GAREM1: variants seen among roughly 807,000 people sequenced by gnomAD.
GAREM1 encodes GRB2-associated and regulator of MAPK protein 1.
Under a neutral mutation model 71.3 loss-of-function variants are expected in GAREM1, and 26 were observed. The ratio of observed to expected loss-of-function variants is 0.36; its 90% CI spans 0.27 to 0.51. The LOEUF (loss-of-function observed/expected upper bound fraction) is 0.51, where lower values mean the gene tolerates loss of function less well. Among genes scored for constraint, GAREM1 ranks in the 20% least tolerant of loss-of-function variants. The pLI, the probability that GAREM1 is intolerant of heterozygous loss-of-function variation, is 0.95. For synonymous variants in GAREM1, 440 were observed against 433.2 expected, an observed-to-expected ratio of 1.02 and a Z score of -0.20; for missense variants, 1,026 against 1,103.1, an observed-to-expected ratio of 0.93 and a Z score of 0.99.
chr18:32,264,975 G>A lies in GAREM1; in HGVS notation c.*2896C>T, dbSNP rs2041353411. On this transcript the variant is annotated 3_prime_UTR_variant, in exon 6 of 6. Coordinates refer to ENST00000269209, the MANE Select transcript of GAREM1 (RefSeq NM_001242409.2). The stretch of plus-strand genomic sequence containing the variant: ...TGATAAGTCTTGACCTGGCTGGTTA[G>A]AAGGGTTCTGTGTGTGGATCTCTGG... 1.3e-5 allele frequency: 2 copies of A among 152,254 alleles called. No individual in the cohort carries two copies. Among genetic ancestry groups the A allele is most frequent in the Admixed American group, 6.5e-5 (1 of 15,284 alleles). The allele number at this position is 152,254 out of a possible 1,614,324, so 9.4% of individuals were successfully genotyped here.
At chr18:32,362,511 GTT>G (rs897000250) in intron 2 of GAREM1, among the ~76,000 whole-genome samples, 46 of 152,230 alleles carry the variant, frequency 3.0e-4, no homozygotes, top group African/African-American at 1.1e-3. Context: ...CTATATATCA[GTT>G]TTAAAGGCAA....
chr18:32,326,666 G>A (rs1413932423), intron 2 of GAREM1, among the ~76,000 whole-genome samples: 1 of 152,154 alleles, frequency 6.6e-6, no homozygotes, highest in African/African-American at 2.4e-5. Context: ...CCTCACAAGA[G>A]ACCGACACTG....
At chr18:32,277,032 G>C (rs1266129409) in intron 4 of GAREM1, among the ~76,000 whole-genome samples, 1 of 152,188 alleles carries the variant, frequency 6.6e-6, no homozygotes, top group Non-Finnish European at 1.5e-5. Context: ...AGTCAGGAAA[G>C]AGGCTGGAAG....
At chr18:32,388,413 G>A (rs1010264422) in intron 2 of GAREM1, among the ~76,000 whole-genome samples, 2 of 152,232 alleles carry the variant, frequency 1.3e-5, no homozygotes, top group Non-Finnish European at 2.9e-5. Context: ...TAATAGGGGA[G>A]TGGTGGGGGG....
chr18:32,409,086 C>T (rs2048392906), intron 1 of GAREM1, among the ~76,000 whole-genome samples: 1 of 152,140 alleles, frequency 6.6e-6, no homozygotes, highest in African/African-American at 2.4e-5. Flanking sequence ...CCCATCAGCT[C>T]TTTTGGCTCA....
At chr18:32,366,108 C>T (rs1280388879) in intron 2 of GAREM1, among the ~76,000 whole-genome samples, 1 of 152,084 alleles carries the variant, frequency 6.6e-6, no homozygotes, top group African/African-American at 2.4e-5. Context: ...CCTCTCCCTG[C>T]CTGCCACACT....
intron 2 of GAREM1, among the ~76,000 whole-genome samples, chr18:32,343,245 G>T (rs1045380016): frequency 6.7e-5 from 10 of 149,130 alleles, no homozygotes; most frequent in African/African-American, 2.5e-4. Context: ...AGCGGGTGGA[G>T]AAAAAGCACC....
At chr18:32,371,905 A>T (rs1217216212) in intron 2 of GAREM1, among the ~76,000 whole-genome samples, 1 of 152,212 alleles carries the variant, frequency 6.6e-6, no homozygotes, top group East Asian at 1.9e-4. Flanking sequence ...TATAGAAAGC[A>T]GGATGCATTG....
At chr18:32,457,205 GGGAGAGA>G (rs1278984878) in intron 1 of GAREM1, among the ~76,000 whole-genome samples, 2 of 114,000 alleles carry the variant, frequency 1.8e-5, no homozygotes, top group African/African-American at 7.3e-5. Flanking sequence ...TGTGTAGGGG[GGGAGAGA>G]GAGAGAGAGA....
intron 2 of GAREM1, among the ~76,000 whole-genome samples, chr18:32,349,310 A>G (rs1457004335): frequency 6.6e-6 from 1 of 152,206 alleles, no homozygotes; most frequent in African/African-American, 2.4e-5. Flanking sequence ...AGGTATACAC[A>G]AAGTTCAACT....
chr18:32,331,408 A>G (rs1487470488), intron 2 of GAREM1, among the ~76,000 whole-genome samples: 1 of 152,226 alleles, frequency 6.6e-6, no homozygotes, highest in East Asian at 1.9e-4. Context: ...TGTATATTAA[A>G]CTGTTAAATG....
chr18:32,435,801 G>A (rs1351876050), intron 1 of GAREM1, among the ~76,000 whole-genome samples: 3 of 152,208 alleles, frequency 2.0e-5, no homozygotes, highest in African/African-American at 7.2e-5. Flanking sequence ...AGGCAGGTGA[G>A]AAGTATTCGT....
intron 3 of GAREM1, among the ~76,000 whole-genome samples, chr18:32,298,329 CTCTT>C: frequency 6.6e-6 from 1 of 152,244 alleles, no homozygotes; most frequent in South Asian, 2.1e-4. Context: ...TAAATAAATG[CTCTT>C]TCTTTAGCAG....
At chr18:32,463,325 G>A (rs1330661953) in intron 1 of GAREM1, among the ~76,000 whole-genome samples, 1 of 148,934 alleles carries the variant, frequency 6.7e-6, no homozygotes, top group Non-Finnish European at 1.5e-5. Flanking sequence ...CTGTTCTCTG[G>A]AAAAAAAAAT....
chr18:32,451,132 C>T (rs1306300154), intron 1 of GAREM1, among the ~76,000 whole-genome samples: 2 of 152,048 alleles, frequency 1.3e-5, no homozygotes, highest in African/African-American at 4.8e-5. Context: ...AGCTGGATGA[C>T]AGAGTGAGAC....
At chr18:32,424,439 G>A (rs2144245808) in intron 1 of GAREM1, among the ~76,000 whole-genome samples, 1 of 152,242 alleles carries the variant, frequency 6.6e-6, no homozygotes, top group African/African-American at 2.4e-5. Flanking sequence ...AAGATATTAG[G>A]ATAAGATAAA....
chr18:32,424,545 G>A (rs1360324073), intron 1 of GAREM1, among the ~76,000 whole-genome samples: 2 of 152,096 alleles, frequency 1.3e-5, no homozygotes, highest in Non-Finnish European at 1.5e-5. Flanking sequence ...ATTTACCAGG[G>A]TCTGATACAT....
chr18:32,363,924 A>T (rs2047891476), intron 2 of GAREM1, among the ~76,000 whole-genome samples: 1 of 147,014 alleles, frequency 6.8e-6, no homozygotes, highest in African/African-American at 2.5e-5. Context: ...ACACATAAAA[A>T]AATATATATA....
chr18:32,347,551 T>C (rs923693887), intron 2 of GAREM1, among the ~76,000 whole-genome samples: 2 of 152,136 alleles, frequency 1.3e-5, no homozygotes, highest in African/African-American at 4.8e-5. Context: ...GCACTAAATT[T>C]AGAAAAACAG....
Sources: allele counts gnomAD v4.1 joint callset (sites outside exome capture counted in the v4.1 genomes callset), GRCh38; gene constraint gnomAD v4.1.1; transcripts MANE v1.5; gene names NCBI Gene and HGNC (gene_info 2026-07-23, HGNC 2026-07-21).